The following NAALADL2 variants were observed in gnomAD, a reference collection of about 807,000 sequenced individuals.
NAALADL2 encodes the protein inactive N-acetylated-alpha-linked acidic dipeptidase-like protein 2.
A neutral mutation model predicts 87.2 loss-of-function variants in NAALADL2; 76 were observed. The ratio of observed to expected loss-of-function variants is 0.87; its 90% CI spans 0.72 to 1.05. NAALADL2 has a LOEUF of 1.05. Ranked by LOEUF, NAALADL2 falls within the 50% of genes least tolerant of loss-of-function variation. The pLI is 0.00. For missense variants in NAALADL2, 1,089 were observed against 945.8 expected (o/e 1.15, Z -1.99); for synonymous variants, 354 against 331.0 (o/e 1.07, Z -0.75).
intron 9 of NAALADL2, among the ~76,000 whole-genome samples, chr3:175,525,057 T>C (rs995184526): frequency 6.6e-6 from 1 of 152,256 alleles, no homozygotes; most frequent in African/African-American, 2.4e-5. Flanking sequence ...TTTTTTTATT[T>C]AAAAATTATT....
intron 1 of NAALADL2, among the ~76,000 whole-genome samples, chr3:174,528,165 A>G (rs138259789): frequency 3.3e-4 from 51 of 152,304 alleles, no homozygotes; most frequent in African/African-American, 1.1e-3. Context: ...GTTATGTACT[A>G]TCTCTTTTGA....
chr3:175,007,153 A>T (rs865958161), intron 1 of NAALADL2, among the ~76,000 whole-genome samples: 6,765 of 138,308 alleles, frequency 0.049, 168 homozygotes, highest in East Asian at 0.099. Context: ...TATAGGATAA[A>T]AAAAAAAAAA....
chr3:175,311,801 C>T (rs1443472703), intron 4 of NAALADL2, among the ~76,000 whole-genome samples: 1 of 152,008 alleles, frequency 6.6e-6, no homozygotes, highest in Non-Finnish European at 1.5e-5. Context: ...TCTGCAGCAG[C>T]CCTAACTTTC....
At chr3:174,619,151 TG>T (rs1350746686) in intron 2 of NAALADL2, among the ~76,000 whole-genome samples, 1 of 151,958 alleles carries the variant, frequency 6.6e-6, no homozygotes, top group Non-Finnish European at 1.5e-5. Context: ...AGGAGACAGA[TG>T]GGTAGATCAC....
intron 1 of NAALADL2, among the ~76,000 whole-genome samples, chr3:174,524,747 G>A (rs946059556): frequency 1.6e-4 from 24 of 151,500 alleles, no homozygotes; most frequent in African/African-American, 5.6e-4. Context: ...AACATTTGTC[G>A]AGGTTGGGTC....
intron 5 of NAALADL2, among the ~76,000 whole-genome samples, chr3:175,441,982 C>A (rs979772307): frequency 2.0e-5 from 3 of 151,908 alleles, no homozygotes; most frequent in Non-Finnish European, 4.4e-5. Flanking sequence ...CGCTCTTTTG[C>A]CCAGATTAGA....
chr3:174,805,718 T>G (rs1719389847), intron 3 of NAALADL2, among the ~76,000 whole-genome samples: 1 of 152,168 alleles, frequency 6.6e-6, no homozygotes, highest in African/African-American at 2.4e-5. Context: ...AGGAGAATAT[T>G]GGAGAACCCA....
chr3:175,113,928 A>C (rs758238434), intron 2 of NAALADL2, among the ~76,000 whole-genome samples: 13 of 151,642 alleles, frequency 8.6e-5, no homozygotes, highest in Non-Finnish European at 1.5e-4. Flanking sequence ...TCTTGAAGAA[A>C]GGTAGTTTGT....
At chr3:174,739,840 G>T (rs1355552545) in intron 3 of NAALADL2, among the ~76,000 whole-genome samples, 1 of 151,964 alleles carries the variant, frequency 6.6e-6, no homozygotes, top group East Asian at 1.9e-4. Flanking sequence ...CTTACATCTT[G>T]TATTAGCAAA....
At chr3:175,460,787 C>A (rs10513731) in intron 6 of NAALADL2, among the ~76,000 whole-genome samples, 16 of 152,222 alleles carry the variant, frequency 1.1e-4, no homozygotes, top group Admixed American at 1.0e-3. Flanking sequence ...AGCATCCACA[C>A]TGGGACAAAA....
intron 2 of NAALADL2, among the ~76,000 whole-genome samples, chr3:175,202,823 C>T: frequency 6.6e-6 from 1 of 152,118 alleles, no homozygotes; most frequent in South Asian, 2.1e-4. Context: ...AGTGAGGTTC[C>T]TATGTCAATG....
chr3:175,558,630 C>G (rs1263505569), intron 9 of NAALADL2, among the ~76,000 whole-genome samples: 1 of 152,114 alleles, frequency 6.6e-6, no homozygotes, highest in Non-Finnish European at 1.5e-5. Flanking sequence ...TAGTTTCATT[C>G]TTTTGCATAT....
chr3:175,414,658 C>T (rs188950392), intron 5 of NAALADL2, among the ~76,000 whole-genome samples: 172 of 152,246 alleles, frequency 1.1e-3, no homozygotes, highest in African/African-American at 3.9e-3. Flanking sequence ...CAAAAAGTGA[C>T]TTTGAAATGT....
rs150327282 is a variant in NAALADL2, at chr3:175,616,919, G to T, written c.1801-10372G>T. On this transcript the variant is annotated intron_variant, in intron 10 of 13. Coordinates refer to ENST00000454872, the MANE Select transcript of NAALADL2 (RefSeq NM_207015.3). Reference sequence around the variant, plus strand: ...CCCTAAGGTAGATCTGGATCAGTATGGCGGTTGCGGTTCAGCGAATTTTCC... The same window carrying T: ...CCCTAAGGTAGATCTGGATCAGTATTGCGGTTGCGGTTCAGCGAATTTTCC... 7.1e-3 allele frequency among the ~76,000 whole-genome samples: 1,078 copies of T among 152,188 alleles called. 2 individuals are homozygous for T. The highest frequency in any genetic ancestry group is 9.7e-3 in the South Asian group (47 of 4,830).
intron 5 of NAALADL2, among the ~76,000 whole-genome samples, chr3:175,417,663 A>G (rs576081488): frequency 6.6e-6 from 1 of 152,120 alleles, no homozygotes; most frequent in Non-Finnish European, 1.5e-5. Flanking sequence ...GAAATAAGGA[A>G]GAGGAAACAT....
intron 1 of NAALADL2, among the ~76,000 whole-genome samples, chr3:174,944,728 C>T (rs970222664): frequency 1.3e-5 from 2 of 152,180 alleles, no homozygotes; most frequent in African/African-American, 4.8e-5. Context: ...GTGTGTCAGA[C>T]TGAAGACCCT....
chr3:174,594,776 C>A (rs1717712551), intron 2 of NAALADL2, among the ~76,000 whole-genome samples: 1 of 152,076 alleles, frequency 6.6e-6, no homozygotes, highest in Non-Finnish European at 1.5e-5. Context: ...AACCAGAGAT[C>A]CAGATGATTT....
At chr3:174,571,569 A>T (rs1008467338) in intron 2 of NAALADL2, among the ~76,000 whole-genome samples, 2 of 151,848 alleles carry the variant, frequency 1.3e-5, no homozygotes, top group Non-Finnish European at 2.9e-5. Flanking sequence ...AGTAGAGACG[A>T]GGTTTCTCCA....
intron 1 of NAALADL2, among the ~76,000 whole-genome samples, chr3:175,081,840 T>C (rs932512642): frequency 3.3e-5 from 5 of 152,208 alleles, no homozygotes; most frequent in Non-Finnish European, 7.4e-5. Context: ...TTGTACATTT[T>C]TGGTTTATAT....
Sources: allele counts gnomAD v4.1 joint callset (sites outside exome capture counted in the v4.1 genomes callset), GRCh38; gene constraint gnomAD v4.1.1; transcripts MANE v1.5; gene names NCBI Gene and HGNC (gene_info 2026-07-23, HGNC 2026-07-21).